ERMAP: variants seen among roughly 807,000 people sequenced by gnomAD.
ERMAP encodes the protein erythroid membrane-associated protein.
ERMAP carries 34 observed loss-of-function variants against 49.5 expected under a neutral mutation model. The ratio of observed to expected loss-of-function variants is 0.69; its 90% CI spans 0.52 to 0.91. The LOEUF is 0.91. Among genes scored for constraint, ERMAP ranks in the 40% least tolerant of loss-of-function variants. The pLI, the probability that ERMAP is intolerant of heterozygous loss-of-function variation, is 0.00. For synonymous variants in ERMAP, 214 were observed against 232.2 expected (o/e 0.92, Z 0.71); for missense variants, 541 against 582.6 (o/e 0.93, Z 0.74).
intron 2 of ERMAP, 126 bp from the exon 3 acceptor site, chr1:42,830,318 T>A: frequency 6.7e-6 from 5 of 746,396 alleles, no homozygotes; most frequent in Non-Finnish European, 9.2e-6. Context: ...AGAGCTGGGA[T>A]TGGAGCCCCG....
rs1451022734 is a variant in ERMAP, at chr1:42,836,676, C to T, written c.584-482C>T. ...TTCAAGCCCAGCCTGATTAACATGG[C>T]GAAACCCTGTCTCTACTAAAAATAC... On this transcript the variant is annotated intron_variant, in intron 6 of 11. Coordinates refer to ENST00000372517, the MANE Select transcript of ERMAP (RefSeq NM_001017922.2). Among the ~76,000 whole-genome samples, 8 of 151,958 alleles carry T rather than the reference C, an allele frequency of 5.3e-5. No homozygotes were observed. In the East Asian group the frequency reaches 5.8e-4, roughly 11 times the overall value.
In ERMAP at chr1:42,842,541, C is replaced by T. The variant is rs556032589; in HGVS notation, c.737C>T (p.Thr246Ile). ...GTGGCAGTGACCCTGGACCCAGACA[C>T]AGCACATCCCAAACTCATCCTTTCT... ...HFVAVTLDPD[T>I]AHPKLILSED... The change falls in exon 12 of 12, where the codon ACA (threonine) becomes ATA (isoleucine). Residue 246 changes from threonine to isoleucine, a missense_variant. Physicochemically the swap from Thr to Ile is moderately conservative, Grantham distance 89 (BLOSUM62 -1). Transcript: ENST00000372517. The T allele has an allele frequency of 3.1e-6, 5 of 1,613,814 alleles. No homozygotes were observed. In the East Asian group the frequency reaches 1.1e-4, roughly 36 times the overall value.
At chr1:42,837,228 A>G in intron 7 of ERMAP, 38 bp downstream of exon 7, 2 of 1,593,046 alleles carry the variant, frequency 1.3e-6, no homozygotes, top group Non-Finnish European at 1.7e-6. Flanking sequence ...GGAACAAAAA[A>G]CACATTCTTT....
At chr1:42,839,018 G>C (rs1478990060) in intron 8 of ERMAP, 97 bp downstream of exon 8, 2 of 1,599,536 alleles carry the variant, frequency 1.3e-6, no homozygotes, top group Admixed American at 1.7e-5. Flanking sequence ...CAGAAGGGAG[G>C]GGGTACTGGT....
Position 42,817,203 on chromosome 1 carries a change from G to A in ERMAP, c.-172G>A. 1 of 1,255,890 alleles carries A rather than the reference G, an allele frequency of 8.0e-7. No individual in the cohort carries two copies. The highest frequency in any genetic ancestry group is 1.0e-6 in the Non-Finnish European group (1 of 973,916). The allele number at this position is 1,255,890 out of a possible 1,614,324, so 77.8% of individuals were successfully genotyped here. A position where few individuals can be genotyped will look rare whatever the true frequency, so the allele number is the denominator to read the frequency against. ...GGGAGTCTGTACCTTTCCCGACCGG[G>A]CCACTGGAAGTTGGAGCCTCCGCCG... On this transcript the variant is annotated 5_prime_UTR_variant, in exon 1 of 12. Transcript: ENST00000372517.
intron 4 of ERMAP, among the ~76,000 whole-genome samples, chr1:42,832,945 C>T (rs1026509504): frequency 2.9e-4 from 44 of 152,360 alleles, no homozygotes; most frequent in Admixed American, 1.2e-3. Context: ...TCCCAGAGCC[C>T]TGGGCCAAGT....
Position 42,843,685 on chromosome 1 carries a change from C to A in ERMAP, c.*453C>A, listed in dbSNP as rs1434372121. On this transcript the variant is annotated 3_prime_UTR_variant, in exon 12 of 12. Coordinates refer to ENST00000372517, the MANE Select transcript of ERMAP (RefSeq NM_001017922.2). ...TCTCTCAGTTCTGGCCTCTGCCCCCCAAAGTCAGCTCTCTAAAAGCAAGCA... is the reference window on the plus strand; with the variant it reads ...TCTCTCAGTTCTGGCCTCTGCCCCCAAAAGTCAGCTCTCTAAAAGCAAGCA... 2.1e-5 allele frequency: 4 copies of A among 187,870 alleles called. No individual in the cohort carries two copies. Among genetic ancestry groups the A allele is most frequent in the African/African-American group, 4.8e-5 (2 of 41,508 alleles). The allele number at this position is 187,870 out of a possible 1,614,324, so 11.6% of individuals were successfully genotyped here.
At chr1:42,836,175 A>C (rs1326081396) in intron 6 of ERMAP, among the ~76,000 whole-genome samples, 1 of 152,202 alleles carries the variant, frequency 6.6e-6, no homozygotes, top group East Asian at 1.9e-4. Flanking sequence ...AAATGAGATG[A>C]ATTAAATAGT....
rs1175668841 is a variant in ERMAP at position 42,842,825 on chromosome 1, GCT to G, written c.1025_1026del (p.Leu342HisfsTer10). 2.5e-6 allele frequency: 4 copies of G among 1,614,186 alleles called. No homozygotes were observed. Among genetic ancestry groups the G allele is most frequent in the Non-Finnish European group, 3.4e-6 (4 of 1,180,030 alleles). On this transcript the variant is annotated frameshift_variant, in exon 12 of 12. Transcript: ENST00000372517. LOFTEE classifies it high-confidence loss of function. Reference sequence around the variant, plus strand: ...ACAGAGTCGTGGGAATGAGTATGAAGCTCTCACATCCCCGCAGACCTCCTTCC... The same window carrying G: ...ACAGAGTCGTGGGAATGAGTATGAAGCTCACATCCCCGCAGACCTCCTTCC... ...LRQSRGNEYE[A>X]LTSPQTSFRL...
rs965844818 is a variant in ERMAP at position 42,841,286 on chromosome 1, C to A, written c.712+990C>A. ...ATAGACTTAACTCTCTAAGAAGAAG[C>A]TGTTTCCTGTATTTGGGGAAGGAAG... On this transcript the variant is annotated intron_variant, in intron 11 of 11. Coordinates refer to ENST00000372517, the MANE Select transcript of ERMAP (RefSeq NM_001017922.2). Among the ~76,000 whole-genome samples the A allele has an allele frequency of 3.3e-5, 5 of 152,320 alleles. No homozygotes were observed. The East Asian group carries it at 9.6e-4, about 29-fold the overall frequency.
chr1:42,837,416 T>G (rs933747793), intron 7 of ERMAP, among the ~76,000 whole-genome samples: 3 of 152,160 alleles, frequency 2.0e-5, no homozygotes, highest in African/African-American at 7.2e-5. Context: ...CAGGCCTAGA[T>G]TACCATAAAC....
intron 2 of ERMAP, 34 bp from the exon 3 acceptor site, chr1:42,830,410 G>A (rs747638621): frequency 1.3e-6 from 2 of 1,599,050 alleles, no homozygotes; most frequent in Admixed American, 3.3e-5. Context: ...AAGCCCATCA[G>A]CCCGCTTGTG....
chr1:42,831,555 GTTTTTTTTTTTTTTTTTCTCTTTTTTT>G (rs1326324752), intron 4 of ERMAP, among the ~76,000 whole-genome samples: 3 of 41,962 alleles, frequency 7.1e-5, no homozygotes, highest in Middle Eastern at 0.025. Context: ...GAGAGATAGT[GTTTTTTTTTTTTTTTTTCTCTTTTTTT>G]TTTTTTTTTT....
intron 1 of ERMAP, among the ~76,000 whole-genome samples, chr1:42,821,662 G>C (rs1654407707): frequency 6.6e-6 from 1 of 152,004 alleles, no homozygotes; most frequent in African/African-American, 2.4e-5. Flanking sequence ...AAATTATTGA[G>C]GACCTCAGGG....
chr1:42,833,063 C>A (rs1170621033), intron 4 of ERMAP, among the ~76,000 whole-genome samples: 1 of 152,248 alleles, frequency 6.6e-6, no homozygotes, highest in Non-Finnish European at 1.5e-5. Context: ...GGACAGCACA[C>A]TGGGGAATGT....
At chr1:42,820,936 G>T (rs11803391) in intron 1 of ERMAP, among the ~76,000 whole-genome samples, 4,332 of 152,190 alleles carry the variant, frequency 0.028, 200 homozygotes, top group African/African-American at 0.097. Flanking sequence ...CAACAACCCC[G>T]GGAGGTAGAG....
At chr1:42,831,465 G>C (rs1192195129) in intron 4 of ERMAP, among the ~76,000 whole-genome samples, 1 of 151,742 alleles carries the variant, frequency 6.6e-6, no homozygotes, top group Non-Finnish European at 1.5e-5. Flanking sequence ...ATGTCTTCAA[G>C]GGACAGATCC....
At chr1:42,839,675 A>G in intron 8 of ERMAP, 1 of 332,028 alleles carries the variant, frequency 3.0e-6, no homozygotes, top group Non-Finnish European at 5.5e-6. Flanking sequence ...TTACATTGAG[A>G]AAATATACAT....
intron 3 of ERMAP, 72 bp from the exon 4 acceptor site, chr1:42,830,696 C>T: frequency 2.8e-6 from 4 of 1,436,404 alleles, no homozygotes; most frequent in Non-Finnish European, 3.7e-6. Context: ...CCCGGGATAT[C>T]CTCTTCCTCA....
Sources: allele counts gnomAD v4.1 joint callset (sites outside exome capture counted in the v4.1 genomes callset), GRCh38; gene constraint gnomAD v4.1.1; transcripts MANE v1.5; gene names NCBI Gene and HGNC (gene_info 2026-07-23, HGNC 2026-07-21).